C21orf91: variants seen among roughly 807,000 people sequenced by gnomAD.
The protein encoded by C21orf91 is protein EURL homolog.
In C21orf91, 26 loss-of-function variants were observed where a neutral mutation model predicts 32.9. The observed-to-expected ratio is 0.79, with a 90% CI of 0.58 to 1.10. The LOEUF (loss-of-function observed/expected upper bound fraction) is 1.10, where lower values mean the gene tolerates loss of function less well. Among genes scored for constraint, C21orf91 ranks in the 50% least tolerant of loss-of-function variants. C21orf91 has a pLI of 0.00. For missense variants in C21orf91, 310 were observed against 341.3 expected, an observed-to-expected ratio of 0.91 and a Z score of 0.72; for synonymous variants, 126 against 120.4, an observed-to-expected ratio of 1.05 and a Z score of -0.31.
Position 17,796,809 on chromosome 21 carries a change from C to T in C21orf91, c.437G>A (p.Trp146Ter). ...DSQVPKYSAK[W>*]IDGSAGGISN... The stretch of plus-strand genomic sequence containing the variant: ...GATGCCACCTGCACTTCCATCTATC[C>T]ATTTTGCAGAATATTTTGGTACTTG... The change falls in exon 3 of 5, where the codon TGG (tryptophan) becomes TAG (stop). Residue 146 changes from tryptophan to a stop codon, truncating the protein, a stop_gained. Coordinates refer to ENST00000284881, the MANE Select transcript of C21orf91 (RefSeq NM_001100420.2). LOFTEE classifies it high-confidence loss of function. 2 of 1,613,862 alleles carry T rather than the reference C, an allele frequency of 1.2e-6. No individual in the cohort carries two copies. The highest frequency in any genetic ancestry group is 1.7e-6 in the Non-Finnish European group (2 of 1,179,784).
intron 1 of C21orf91, 149 bp from the exon 2 acceptor site, chr21:17,818,474 T>A: frequency 1.5e-6 from 1 of 651,450 alleles, no homozygotes; most frequent in Non-Finnish European, 2.7e-6. Flanking sequence ...ATACTTGCAC[T>A]CCAACATTGC....
chr21:17,805,042 G>T (rs112648929), intron 2 of C21orf91, among the ~76,000 whole-genome samples: 110 of 152,252 alleles, frequency 7.2e-4, no homozygotes, highest in African/African-American at 2.6e-3. Flanking sequence ...TAACAGCAAC[G>T]CCCAACAGAA....
chr21:17,798,105 C>A (rs1276722827), intron 2 of C21orf91, among the ~76,000 whole-genome samples: 1 of 152,118 alleles, frequency 6.6e-6, no homozygotes, highest in East Asian at 1.9e-4. Context: ...CAGTTTAAAT[C>A]TGCTTAGCTT....
At chr21:17,795,004 CA>C (rs56814896) in intron 4 of C21orf91, among the ~76,000 whole-genome samples, 473 of 104,566 alleles carry the variant, frequency 4.5e-3, no homozygotes, top group Middle Eastern at 0.012. Flanking sequence ...GATTCTGTCG[CA>C]AAAAAAAAAA....
At chr21:17,815,237 T>C (rs948343409) in intron 2 of C21orf91, among the ~76,000 whole-genome samples, 1 of 152,152 alleles carries the variant, frequency 6.6e-6, no homozygotes, top group South Asian at 2.1e-4. Context: ...ACTACAAATG[T>C]ATGGACTCAA....
intron 2 of C21orf91, among the ~76,000 whole-genome samples, chr21:17,812,592 G>A (rs1228393710): frequency 3.3e-5 from 5 of 152,104 alleles, no homozygotes; most frequent in African/African-American, 9.7e-5. Flanking sequence ...GGTGCATCAC[G>A]AGCTCAGGAG....
At chr21:17,797,232 G>A (rs1359011554) in intron 2 of C21orf91, 114 bp from the exon 3 acceptor site, 1 of 612,774 alleles carries the variant, frequency 1.6e-6, no homozygotes, top group African/African-American at 1.8e-5. Flanking sequence ...TGAATTAGAG[G>A]AAAAATGCTA....
chr21:17,801,105 G>A (rs980626052), intron 2 of C21orf91, among the ~76,000 whole-genome samples: 2 of 152,062 alleles, frequency 1.3e-5, no homozygotes, highest in Non-Finnish European at 2.9e-5. Context: ...GCATATGTAT[G>A]TTTACTGCAG....
intron 1 of C21orf91, 42 bp from the exon 2 acceptor site, chr21:17,818,367 C>T: frequency 6.4e-7 from 1 of 1,558,142 alleles, no homozygotes. Flanking sequence ...ATTTCATGAA[C>T]CTGCCTTTGG....
At chr21:17,805,088 G>T (rs948479681) in intron 2 of C21orf91, among the ~76,000 whole-genome samples, 1 of 152,196 alleles carries the variant, frequency 6.6e-6, no homozygotes, top group Non-Finnish European at 1.5e-5. Flanking sequence ...ATGTATAACT[G>T]AGCTATGCAA....
chr21:17,801,074 C>T (rs1227237099), intron 2 of C21orf91, among the ~76,000 whole-genome samples: 2 of 152,110 alleles, frequency 1.3e-5, no homozygotes, highest in African/African-American at 4.8e-5. Context: ...GATTAAAAAT[C>T]ATTCTACTAT....
At chr21:17,816,353 A>T (rs1483293553) in intron 2 of C21orf91, among the ~76,000 whole-genome samples, 1 of 152,234 alleles carries the variant, frequency 6.6e-6, no homozygotes, top group Non-Finnish European at 1.5e-5. Flanking sequence ...TAGAAAAGCA[A>T]TTACGAAAAT....
intron 2 of C21orf91, chr21:17,810,808 C>T (rs973097524): frequency 1.5e-4 from 23 of 152,214 alleles, no homozygotes; most frequent in Admixed American, 1.2e-3. Flanking sequence ...TCCCATCTCT[C>T]TGATTAACAC....
At chr21:17,807,516 GT>G (rs2062605459) in intron 2 of C21orf91, among the ~76,000 whole-genome samples, 1 of 152,188 alleles carries the variant, frequency 6.6e-6, no homozygotes, top group Non-Finnish European at 1.5e-5. Flanking sequence ...AAGCGACTTT[GT>G]AACAGGATAA....
At chr21:17,803,771 C>T (rs566414782) in intron 2 of C21orf91, among the ~76,000 whole-genome samples, 1 of 152,242 alleles carries the variant, frequency 6.6e-6, no homozygotes, top group South Asian at 2.1e-4. Flanking sequence ...GAAAATGTTA[C>T]TTGTTTCTGA....
At chr21:17,799,138 T>A (rs243553) in intron 2 of C21orf91, among the ~76,000 whole-genome samples, 124,808 of 152,070 alleles carry the variant, frequency 0.82, 51,908 homozygotes, top group East Asian at 0.96. Context: ...TTTATTGTTA[T>A]ATTTTGTGGG....
At chr21:17,793,680 G>A (rs1478723490) in intron 4 of C21orf91, 99 bp from the exon 5 acceptor site, 2 of 733,612 alleles carry the variant, frequency 2.7e-6, no homozygotes, top group African/African-American at 3.6e-5. Context: ...ATTGGGCAAA[G>A]TGTCACAATG....
intron 2 of C21orf91, among the ~76,000 whole-genome samples, chr21:17,798,559 A>T (rs1233997756): frequency 6.6e-6 from 1 of 152,198 alleles, no homozygotes; most frequent in Non-Finnish European, 1.5e-5. Flanking sequence ...CTGGAAACTT[A>T]AACAGAATTT....
At chr21:17,811,774 A>C (rs1396482562) in intron 2 of C21orf91, among the ~76,000 whole-genome samples, 2 of 152,174 alleles carry the variant, frequency 1.3e-5, no homozygotes, top group African/African-American at 4.8e-5. Context: ...AGTCATTTCT[A>C]TGTATTCTAA....
Sources: gnomAD v4.1 joint callset for allele counts (sites outside exome capture counted in the v4.1 genomes callset) on GRCh38, gnomAD v4.1.1 for gene constraint, MANE v1.5 for transcripts, NCBI Gene and HGNC (gene_info 2026-07-23, HGNC 2026-07-21) for gene names.